PTPRG: variants seen among roughly 807,000 people sequenced by gnomAD.
PTPRG encodes the protein protein tyrosine phosphatase receptor type G, also known as receptor-type tyrosine-protein phosphatase gamma.
In PTPRG, 102 loss-of-function variants were observed where a neutral mutation model predicts 165.3. The observed-to-expected ratio is 0.62, with a 90% CI of 0.53 to 0.73. The LOEUF (loss-of-function observed/expected upper bound fraction) is 0.73. Ranked by LOEUF, PTPRG falls within the 30% of genes least tolerant of loss-of-function variation. The pLI is 0.00. For synonymous variants in PTPRG, 675 were observed against 669.5 expected, an observed-to-expected ratio of 1.01 and a Z score of -0.13; for missense variants, 1,866 against 1,861.4, an observed-to-expected ratio of 1.00 and a Z score of -0.05.
chr3:61,607,973 A>G lies in PTPRG; in HGVS notation c.85+45601A>G, dbSNP rs113904951. 9.7e-3 allele frequency among the ~76,000 whole-genome samples: 1,481 copies of G among 152,230 alleles called. 13 individuals are homozygous for G. The highest frequency in any genetic ancestry group is 0.017 in the Non-Finnish European group (1,126 of 68,012). On this transcript the variant is annotated intron_variant, in intron 1 of 29. Transcript: ENST00000474889. The stretch of plus-strand genomic sequence containing the variant: ...TCATTCTAATATTTCCAGAGAAACT[A>G]GACATCTTAAACTTTACCTAATTAC...
chr3:61,778,555 A>G (rs531919905), intron 2 of PTPRG, among the ~76,000 whole-genome samples: 1 of 152,228 alleles, frequency 6.6e-6, no homozygotes, highest in Non-Finnish European at 1.5e-5. Flanking sequence ...ATTTTGTTCT[A>G]GGAAGTCAGT....
In PTPRG at chr3:61,693,991, C is replaced by G. The variant is rs1204755838; in HGVS notation, c.86-54887C>G. Among the ~76,000 whole-genome samples, 3 of 133,276 alleles carry G rather than the reference C, an allele frequency of 2.3e-5. No homozygotes were observed. In the East Asian group the frequency reaches 6.5e-4, roughly 29 times the overall value. The allele number at this position is 133,276 out of a possible 152,430, so 87.4% of individuals were successfully genotyped here. A position where few individuals can be genotyped will look rare whatever the true frequency, so the allele number is the denominator to read the frequency against. On this transcript the variant is annotated intron_variant, in intron 1 of 29. Coordinates refer to ENST00000474889, the MANE Select transcript of PTPRG (RefSeq NM_002841.4). ...ATACTGCACTCCAGCCTGGGTGACA[C>G]AGTGAGACTCCATCTCCAAAAAAAA...
intron 8 of PTPRG, among the ~76,000 whole-genome samples, chr3:62,183,318 C>G (rs1199175308): frequency 6.6e-6 from 1 of 152,118 alleles, no homozygotes; most frequent in East Asian, 1.9e-4. Flanking sequence ...AATCTCAACA[C>G]TTTGAGAGGC....
intron 1 of PTPRG, among the ~76,000 whole-genome samples, chr3:61,714,295 G>A (rs1915992): frequency 0.069 from 10,555 of 152,050 alleles, 703 homozygotes; most frequent in African/African-American, 0.17. Flanking sequence ...CCATAGCTGC[G>A]AGGAATAAAG....
rs34396141 is a variant in PTPRG at position 61,638,591 on chromosome 3, G to GTTTTTTTTTTTT, written c.85+76235_85+76246dup. Among the ~76,000 whole-genome samples, 12 of 58,716 alleles carry GTTTTTTTTTTTT rather than the reference G, an allele frequency of 2.0e-4. 2 individuals carry two copies. Among genetic ancestry groups the GTTTTTTTTTTTT allele is most frequent in the Admixed American group, 3.1e-4 (1 of 3,248 alleles). 38.5% of individuals were successfully genotyped at this position (58,716 alleles called of 152,430 possible). A position where few individuals can be genotyped will look rare whatever the true frequency, so the allele number is the denominator to read the frequency against. On this transcript the variant is annotated intron_variant, in intron 1 of 29. Transcript: ENST00000474889. ...AGGCACACACCACCATGCCTGGCTA[G>GTTTTTTTTTTTT]TTTTTTTTTTTTTTTTTTTTTTTTT...
chr3:61,689,975 T>C (rs1481905231), intron 1 of PTPRG, among the ~76,000 whole-genome samples: 1 of 152,192 alleles, frequency 6.6e-6, no homozygotes, highest in African/African-American at 2.4e-5. Context: ...TCTCAATTGC[T>C]TCTGAATGAA....
intron 4 of PTPRG, among the ~76,000 whole-genome samples, chr3:62,069,111 C>A (rs1258975157): frequency 2.0e-5 from 3 of 152,204 alleles, no homozygotes; most frequent in African/African-American, 7.2e-5. Context: ...TTGAACCTTA[C>A]TTTAAGTATC....
intron 5 of PTPRG, among the ~76,000 whole-genome samples, chr3:62,092,641 TAACC>T (rs150377094): frequency 0.036 from 5,552 of 152,146 alleles, 104 homozygotes; most frequent in East Asian, 0.078. Flanking sequence ...CAAGTACACT[TAACC>T]TTTCTGTGCC....
At chr3:61,693,130 A>T (rs984778365) in intron 1 of PTPRG, among the ~76,000 whole-genome samples, 5 of 152,250 alleles carry the variant, frequency 3.3e-5, no homozygotes, top group African/African-American at 1.2e-4. Context: ...CCCATTCATT[A>T]TATCAGATGT....
intron 2 of PTPRG, among the ~76,000 whole-genome samples, chr3:61,870,774 A>G (rs894114792): frequency 6.6e-5 from 10 of 152,070 alleles, no homozygotes; most frequent in South Asian, 4.1e-4. Flanking sequence ...GTAAAGTTCT[A>G]TTGAAATGTT....
intron 2 of PTPRG, among the ~76,000 whole-genome samples, chr3:61,833,091 G>GTT (rs950845164): frequency 3.6e-4 from 54 of 152,020 alleles, no homozygotes; most frequent in African/African-American, 1.3e-3. Context: ...GTGTGTGTGT[G>GTT]TGTGTACACA....
At chr3:61,766,148 T>C (rs2034007817) in intron 2 of PTPRG, among the ~76,000 whole-genome samples, 1 of 152,230 alleles carries the variant, frequency 6.6e-6, no homozygotes, top group Admixed American at 6.5e-5. Context: ...AAATACTTTT[T>C]CTTTAAATTG....
chr3:61,702,947 T>G (rs1368193075), intron 1 of PTPRG, among the ~76,000 whole-genome samples: 1 of 152,254 alleles, frequency 6.6e-6, no homozygotes, highest in Non-Finnish European at 1.5e-5. Flanking sequence ...ATCTTGTAAA[T>G]GCCTGTTGGT....
At chr3:61,980,939 C>T (rs2040627308) in intron 2 of PTPRG, among the ~76,000 whole-genome samples, 1 of 152,222 alleles carries the variant, frequency 6.6e-6, no homozygotes, top group African/African-American at 2.4e-5. Context: ...TGGGCCTTGC[C>T]TTGTGAATAG....
chr3:61,670,554 G>T (rs1274989969), intron 1 of PTPRG, among the ~76,000 whole-genome samples: 3 of 152,124 alleles, frequency 2.0e-5, no homozygotes, highest in African/African-American at 7.2e-5. Context: ...GCTTATCTCT[G>T]CTTTCCATAT....
chr3:62,074,352 C>CTTTTTTTT (rs200189646), intron 4 of PTPRG, among the ~76,000 whole-genome samples: 285 of 109,092 alleles, frequency 2.6e-3, no homozygotes, highest in Non-Finnish European at 4.2e-3. Context: ...TCTTTTCTTT[C>CTTTTTTTT]TTTTTTTTTT....
At chr3:62,141,198 G>A (rs1191686144) in intron 6 of PTPRG, among the ~76,000 whole-genome samples, 2 of 152,228 alleles carry the variant, frequency 1.3e-5, no homozygotes, top group Non-Finnish European at 2.9e-5. Flanking sequence ...TTGTTGGTAA[G>A]GAGATAACTG....
chr3:62,209,618 A>G lies in PTPRG; in HGVS notation c.2155+5668A>G, dbSNP rs943854097. On this transcript the variant is annotated intron_variant, in intron 12 of 29. Coordinates refer to ENST00000474889, the MANE Select transcript of PTPRG (RefSeq NM_002841.4). Reference sequence around the variant, plus strand: ...AGTTTTGCTCGTCAGGTTTCTTTCTAGAGAAATGTTTTCTTTATAATTCTG... The same window carrying G: ...AGTTTTGCTCGTCAGGTTTCTTTCTGGAGAAATGTTTTCTTTATAATTCTG... Among the ~76,000 whole-genome samples, 4 of 152,158 alleles carry G rather than the reference A, an allele frequency of 2.6e-5. No individual in the cohort carries two copies. In the East Asian group the frequency reaches 7.7e-4, roughly 29 times the overall value.
At chr3:61,690,094 C>T (rs2030090180) in intron 1 of PTPRG, among the ~76,000 whole-genome samples, 1 of 152,220 alleles carries the variant, frequency 6.6e-6, no homozygotes, top group African/African-American at 2.4e-5. Context: ...ACTGTCTCAA[C>T]CATCCCCTGG....
Sources: gnomAD v4.1 joint callset for allele counts (sites outside exome capture counted in the v4.1 genomes callset) on GRCh38, gnomAD v4.1.1 for gene constraint, MANE v1.5 for transcripts, NCBI Gene and HGNC (gene_info 2026-07-23, HGNC 2026-07-21) for gene names.